GRK7: variants seen among roughly 807,000 people sequenced by gnomAD.
GRK7 encodes rhodopsin kinase GRK7.
In GRK7, 24 loss-of-function variants were observed where a neutral mutation model predicts 34.1. The ratio of observed to expected loss-of-function variants is 0.70; its 90% CI spans 0.51 to 0.99. GRK7 has a LOEUF of 0.99. Ranked by LOEUF, GRK7 falls within the 50% of genes least tolerant of loss-of-function variation. The pLI is 0.00. For synonymous variants in GRK7, 256 were observed against 279.4 expected, an observed-to-expected ratio of 0.92 and a Z score of 0.84; for missense variants, 644 against 707.3, an observed-to-expected ratio of 0.91 and a Z score of 1.02.
At position 141,819,304 on chromosome 3, in the gene GRK7, C is replaced by CA. The variant is rs1402824117; in HGVS notation, c.*2260dup. Reference sequence around the variant, plus strand: ...ATAAATATCTCAGTTTTTAAAAGGACAAAAAATTTGGAGAGATAAAAAAAT... The same window carrying CA: ...ATAAATATCTCAGTTTTTAAAAGGACAAAAAAATTTGGAGAGATAAAAAAAT... On this transcript the variant is annotated 3_prime_UTR_variant, in exon 6 of 6. Coordinates refer to ENST00000682958, the MANE Select transcript of GRK7 (RefSeq NM_139209.3). Among the ~76,000 whole-genome samples, 1 of 152,002 alleles carries CA rather than the reference C, an allele frequency of 6.6e-6. No individual in the cohort carries two copies. The highest frequency in any genetic ancestry group is 1.5e-5 in the Non-Finnish European group (1 of 67,972).
intron 5 of GRK7, among the ~76,000 whole-genome samples, chr3:141,811,475 T>C (rs576936873): frequency 7.2e-5 from 11 of 152,350 alleles, no homozygotes; most frequent in African/African-American, 2.6e-4. Flanking sequence ...GGTCACTCCC[T>C]GAAGCTGCTT....
At chr3:141,812,806 G>C (rs6804412) in intron 5 of GRK7, among the ~76,000 whole-genome samples, 1 of 152,152 alleles carries the variant, frequency 6.6e-6, no homozygotes, top group South Asian at 2.1e-4. Flanking sequence ...GCTCCTGGGC[G>C]TCTCCATTTA....
intron 2 of GRK7, among the ~76,000 whole-genome samples, chr3:141,775,803 T>C (rs2084636226): frequency 6.6e-6 from 1 of 152,042 alleles, no homozygotes; most frequent in Non-Finnish European, 1.5e-5. Flanking sequence ...TTTTTTTTTA[T>C]CATATTAATG....
chr3:141,812,539 G>A (rs1711103224), intron 5 of GRK7, among the ~76,000 whole-genome samples: 1 of 152,250 alleles, frequency 6.6e-6, no homozygotes, highest in African/African-American at 2.4e-5. Flanking sequence ...AGCACCCACA[G>A]ACATTTCTTG....
chr3:141,804,932 CACAT>C (rs965971826), intron 4 of GRK7, among the ~76,000 whole-genome samples: 6 of 151,492 alleles, frequency 4.0e-5, no homozygotes, highest in Non-Finnish European at 7.4e-5. Context: ...TGCATACTCA[CACAT>C]ACACTCACAT....
chr3:141,785,313 A>G (rs1283821494), intron 4 of GRK7, among the ~76,000 whole-genome samples: 1 of 152,224 alleles, frequency 6.6e-6, no homozygotes, highest in East Asian at 1.9e-4. Context: ...AGATTTTGGT[A>G]TAGATTTGGC....
intron 5 of GRK7, among the ~76,000 whole-genome samples, chr3:141,808,299 C>T (rs1711056903): frequency 6.6e-6 from 1 of 152,160 alleles, no homozygotes; most frequent in African/African-American, 2.4e-5. Context: ...ACCTTAGTTT[C>T]TTTTGCATCT....
intron 4 of GRK7, among the ~76,000 whole-genome samples, chr3:141,789,313 C>T (rs897346288): frequency 6.6e-5 from 10 of 152,180 alleles, no homozygotes; most frequent in African/African-American, 2.4e-4. Flanking sequence ...TCTCTGTTTC[C>T]CAGCTTCGCT....
intron 5 of GRK7, among the ~76,000 whole-genome samples, chr3:141,813,478 C>T (rs926797364): frequency 3.3e-5 from 5 of 152,180 alleles, no homozygotes; most frequent in African/African-American, 1.2e-4. Flanking sequence ...TCCCTCAAGG[C>T]TCTTAACCTA....
intron 5 of GRK7, among the ~76,000 whole-genome samples, chr3:141,815,443 C>T (rs1248235208): frequency 1.3e-5 from 2 of 151,958 alleles, no homozygotes; most frequent in Admixed American, 6.6e-5. Flanking sequence ...AGAAAAGAAT[C>T]GTTTTGAATC....
chr3:141,754,292 C>T, the GRK7 span, among the ~76,000 whole-genome samples: 2 of 152,074 alleles, frequency 1.3e-5, no homozygotes, highest in Admixed American at 6.6e-5. Flanking sequence ...GGCTCATTCT[C>T]CTGCCCTCTC....
chr3:141,802,780 C>T (rs148977896), intron 4 of GRK7, among the ~76,000 whole-genome samples: 5 of 152,250 alleles, frequency 3.3e-5, no homozygotes, highest in African/African-American at 1.2e-4. Context: ...CGGATAATCC[C>T]TGAGCAATGG....
intron 4 of GRK7, among the ~76,000 whole-genome samples, chr3:141,782,802 C>G (rs1364161229): frequency 8.6e-6 from 1 of 116,048 alleles, no homozygotes; most frequent in Non-Finnish European, 1.9e-5. Flanking sequence ...GAGACTCCAT[C>G]TTAAAAAAAG....
the GRK7 span, among the ~76,000 whole-genome samples, chr3:141,750,031 A>G: frequency 3.3e-5 from 5 of 151,374 alleles, no homozygotes; most frequent in Middle Eastern, 3.4e-3. Flanking sequence ...AAAAAAAAAG[A>G]AATATGAATA....
chr3:141,768,862 C>T (rs1374033033), intron 1 of GRK7, among the ~76,000 whole-genome samples: 2 of 152,086 alleles, frequency 1.3e-5, no homozygotes, highest in East Asian at 3.9e-4. Flanking sequence ...TTGGCTTTTG[C>T]GGCACCACAC....
chr3:141,816,679 C>T, intron 5 of GRK7, 35 bp from the exon 6 acceptor site: 1 of 1,345,722 alleles, frequency 7.4e-7, no homozygotes, highest in Non-Finnish European at 1.0e-6. Flanking sequence ...GTTTTGTTAA[C>T]TCTGTCTCAG....
At chr3:141,756,693 A>G in the GRK7 span, among the ~76,000 whole-genome samples, 2 of 152,224 alleles carry the variant, frequency 1.3e-5, no homozygotes, top group Non-Finnish European at 2.9e-5. Flanking sequence ...AGAGATGGCT[A>G]TTATTATTGA....
At chr3:141,780,987 T>C (rs1212930223) in intron 4 of GRK7, among the ~76,000 whole-genome samples, 176 bp downstream of exon 4, 1 of 152,180 alleles carries the variant, frequency 6.6e-6, no homozygotes, top group Non-Finnish European at 1.5e-5. Flanking sequence ...ATTAGATTCA[T>C]TGGCTATTTG....
chr3:141,804,666 C>G (rs1375895053), intron 4 of GRK7, among the ~76,000 whole-genome samples: 1 of 151,626 alleles, frequency 6.6e-6, no homozygotes, highest in Non-Finnish European at 1.5e-5. Flanking sequence ...CACACATACA[C>G]ATGCACAGAT....
Sources: gnomAD v4.1 joint callset for allele counts (sites outside exome capture counted in the v4.1 genomes callset) on GRCh38, gnomAD v4.1.1 for gene constraint, MANE v1.5 for transcripts, NCBI Gene and HGNC (gene_info 2026-07-23, HGNC 2026-07-21) for gene names.